GBF1: variants seen among roughly 807,000 people sequenced by gnomAD.
The protein encoded by GBF1 is Golgi-specific brefeldin A-resistance guanine nucleotide exchange factor 1.
GBF1 carries 114 observed loss-of-function variants against 210.5 expected under a neutral mutation model. The observed-to-expected ratio is 0.54, with a 90% CI of 0.47 to 0.63. GBF1 has a LOEUF of 0.63. Ranked by LOEUF, GBF1 falls within the 30% of genes least tolerant of loss-of-function variation. GBF1 has a pLI of 0.00. For missense variants in GBF1, 1,851 were observed against 2,357.7 expected (o/e 0.79, Z 4.45); for synonymous variants, 850 against 889.2 (o/e 0.96, Z 0.78).
chr10:102,344,103 T>G lies in GBF1; in HGVS notation c.216T>G (p.Ile72Met). 6.2e-7 allele frequency: 1 copy of G among 1,612,034 alleles called. No individual in the cohort carries two copies. The highest frequency in any genetic ancestry group is 8.5e-7 in the Non-Finnish European group (1 of 1,178,064). ...NVFLRPFLEV[I>M]RSEDTTGPIT... is the part of the protein sequence containing the mutation. ...TCCTTCGACCTTTTCTGGAAGTGAT[T>G]CGCTCTGAAGATACCACTGGCCCTA... is the stretch of plus-strand genomic sequence containing the variant. Residue 72 changes from isoleucine (I) to methionine (M), a missense_variant, in exon 4 of 40, where the codon ATT (isoleucine) becomes ATG (methionine). This residue lies in a region of GBF1 where 804 missense variants were observed against 958.6 expected (regional missense o/e 0.84). Coordinates refer to ENST00000369983, the MANE Select transcript of GBF1 (RefSeq NM_001377137.1).
At chr10:102,247,657 T>C (rs999288199) in intron 1 of GBF1, among the ~76,000 whole-genome samples, 2 of 152,194 alleles carry the variant, frequency 1.3e-5, no homozygotes, top group African/African-American at 4.8e-5. Context: ...TTCTTTTTTT[T>C]AATCCTAAAT....
intron 3 of GBF1, among the ~76,000 whole-genome samples, chr10:102,279,622 T>C (rs774180518): frequency 7.9e-5 from 12 of 152,206 alleles, no homozygotes; most frequent in Non-Finnish European, 1.8e-4. Context: ...TATTTTTCTG[T>C]ATTTTTTCCT....
At chr10:102,292,210 C>T (rs1331173857) in intron 3 of GBF1, among the ~76,000 whole-genome samples, 2 of 151,380 alleles carry the variant, frequency 1.3e-5, no homozygotes, top group Non-Finnish European at 2.9e-5. Context: ...TTCTAAGGTC[C>T]TAGTTTCTAG....
intron 29 of GBF1, 87 bp downstream of exon 29, chr10:102,370,947 A>G: frequency 1.6e-6 from 2 of 1,238,670 alleles, no homozygotes; most frequent in Non-Finnish European, 2.3e-6. Context: ...TGAGACAGAG[A>G]GTACATTTAG....
intron 3 of GBF1, among the ~76,000 whole-genome samples, chr10:102,338,561 T>C (rs1054070191): frequency 6.6e-6 from 1 of 152,000 alleles, no homozygotes; most frequent in Non-Finnish European, 1.5e-5. Flanking sequence ...ACTATCTAAT[T>C]TGACAGATGA....
chr10:102,361,260 C>T (rs2059586309), intron 13 of GBF1, 140 bp downstream of exon 13: 21 of 630,484 alleles, frequency 3.3e-5, no homozygotes, highest in East Asian at 2.7e-4. Context: ...CTCCAGAGTT[C>T]GGTTCAATCA....
chr10:102,359,195 A>G, intron 10 of GBF1, 72 bp from the exon 11 acceptor site: 3 of 1,032,246 alleles, frequency 2.9e-6, no homozygotes, highest in Non-Finnish European at 4.6e-6. Context: ...GAAGACAGCT[A>G]CTTCAGGGGA....
At chr10:102,379,690 C>A in intron 35 of GBF1, 39 bp downstream of exon 35, 1 of 1,611,498 alleles carries the variant, frequency 6.2e-7, no homozygotes, top group Non-Finnish European at 8.5e-7. Context: ...AGTTCAAATC[C>A]TAAGAAAAGG....
At chr10:102,257,731 G>A (rs2072606965) in intron 1 of GBF1, among the ~76,000 whole-genome samples, 1 of 151,812 alleles carries the variant, frequency 6.6e-6, no homozygotes, top group South Asian at 2.1e-4. Context: ...TTTTTATTGA[G>A]TAGATTAAAA....
At chr10:102,313,392 C>G (rs1185221083) in intron 3 of GBF1, among the ~76,000 whole-genome samples, 2 of 152,294 alleles carry the variant, frequency 1.3e-5, no homozygotes, top group East Asian at 3.9e-4. Flanking sequence ...AATTCCTGTG[C>G]CATCTCAGTG....
At chr10:102,294,741 C>T (rs998219953) in intron 3 of GBF1, among the ~76,000 whole-genome samples, 3 of 152,104 alleles carry the variant, frequency 2.0e-5, no homozygotes. Context: ...CAAATCCTTA[C>T]CATTGTGTTA....
intron 29 of GBF1, 137 bp downstream of exon 29, chr10:102,370,997 G>A: frequency 1.2e-6 from 1 of 835,902 alleles, no homozygotes; most frequent in Non-Finnish European, 1.9e-6. Flanking sequence ...CACAGGGCTG[G>A]TGCAGTCTAG....
In GBF1 at chr10:102,370,700, T is replaced by C. The variant is rs773989865; in HGVS notation, c.3507-7T>C. 3 of 1,613,532 alleles carry C rather than the reference T, an allele frequency of 1.9e-6. No homozygotes were observed. The South Asian group carries it at 3.3e-5, about 18-fold the overall frequency. On this transcript the variant is annotated splice_polypyrimidine_tract_variant and splice_region_variant and intron_variant, in intron 28 of 39. Coordinates refer to ENST00000369983, the MANE Select transcript of GBF1 (RefSeq NM_001377137.1). The stretch of plus-strand genomic sequence containing the variant: ...GAGACTATCTTCATTCCTTTATGTC[T>C]ACACAGGGATCGTGTGGGCTGTGTG...
chr10:102,243,677 G>C (rs1241693492), upstream of GBF1, among the ~76,000 whole-genome samples: 1 of 152,190 alleles, frequency 6.6e-6, no homozygotes, highest in African/African-American at 2.4e-5. Context: ...TTGAGGTAAT[G>C]TGGAAAGAGG....
At position 102,344,156 on chromosome 10, in the gene GBF1, A is replaced by G. The variant is rs2058374938; in HGVS notation, c.269A>G (p.Asn90Ser). 2 of 1,613,842 alleles carry G rather than the reference A, an allele frequency of 1.2e-6. No individual in the cohort carries two copies. Among genetic ancestry groups the G allele is most frequent in the African/African-American group, 1.3e-5 (1 of 74,928 alleles). Residue 90 changes from asparagine (N) to serine (S), a missense_variant, in exon 4 of 40, where the codon AAC becomes AGC. Transcript: ENST00000369983. ...ACTGGACTGGCACTCACCTCTGTCA[A>G]CAAGTTCCTGTCCTATGCACTCATA... ...PITGLALTSV[N>S]KFLSYALIDP... is the part of the protein sequence containing the mutation.
intron 4 of GBF1, among the ~76,000 whole-genome samples, chr10:102,350,072 C>G (rs563774669): frequency 1.3e-5 from 2 of 152,200 alleles, no homozygotes; most frequent in South Asian, 2.1e-4. Context: ...GTCTTTGGGC[C>G]AGGCATGGTA....
chr10:102,342,418 G>GAC (rs773345912), intron 3 of GBF1, among the ~76,000 whole-genome samples: 4 of 150,824 alleles, frequency 2.7e-5, no homozygotes, highest in Admixed American at 6.6e-5. Flanking sequence ...CTCACACACA[G>GAC]ACACACACAC....
the GBF1 span, among the ~76,000 whole-genome samples, chr10:102,238,094 T>C: frequency 2.2e-4 from 34 of 152,224 alleles, no homozygotes; most frequent in Non-Finnish European, 3.5e-4. Flanking sequence ...AAAGGAGAGA[T>C]AGAGTTTTGA....
chr10:102,352,978 T>A (rs1421160732), intron 7 of GBF1, among the ~76,000 whole-genome samples: 5 of 152,114 alleles, frequency 3.3e-5, no homozygotes, highest in Non-Finnish European at 7.4e-5. Context: ...TTGGTTACCC[T>A]TTGGTAAGGC....
Sources: gnomAD v4.1 joint callset for allele counts (sites outside exome capture counted in the v4.1 genomes callset) on GRCh38, gnomAD v4.1.1 for gene constraint, gnomAD v4.1.1 regional missense constraint, MANE v1.5 for transcripts, NCBI Gene and HGNC (gene_info 2026-07-23, HGNC 2026-07-21) for gene names.